Variants in TMEM132C observed in about 807,000 individuals in gnomAD.
TMEM132C encodes transmembrane protein 132C.
A neutral mutation model predicts 61.4 loss-of-function variants in TMEM132C; 29 were observed. The observed-to-expected ratio is 0.47, with a 90% CI of 0.35 to 0.64. TMEM132C has a LOEUF of 0.64. Among genes scored for constraint, TMEM132C ranks in the 30% least tolerant of loss-of-function variants. The pLI is 0.00. For synonymous variants in TMEM132C, 656 were observed against 633.1 expected (o/e 1.04, Z -0.54); for missense variants, 1,408 against 1,476.9 (o/e 0.95, Z 0.76).
At chr12:128,637,206 G>A (rs541319238) in intron 4 of TMEM132C, among the ~76,000 whole-genome samples, 5 of 152,120 alleles carry the variant, frequency 3.3e-5, no homozygotes, top group Non-Finnish European at 7.4e-5. Context: ...TTTTCCAAGA[G>A]GATTGTGAGA....
intron 5 of TMEM132C, among the ~76,000 whole-genome samples, chr12:128,692,730 A>G (rs1399011354): frequency 6.6e-6 from 1 of 152,176 alleles, no homozygotes; most frequent in African/African-American, 2.4e-5. Context: ...CTGCTTGAGA[A>G]CACAGGTATC....
intron 1 of TMEM132C, among the ~76,000 whole-genome samples, chr12:128,406,078 C>T (rs1190853661): frequency 6.6e-6 from 1 of 152,196 alleles, no homozygotes; most frequent in East Asian, 1.9e-4. Flanking sequence ...TTCCTTAACA[C>T]CTCTGATGCA....
intron 1 of TMEM132C, among the ~76,000 whole-genome samples, chr12:128,353,245 G>T (rs773244501): frequency 1.3e-5 from 2 of 152,136 alleles, no homozygotes; most frequent in Non-Finnish European, 2.9e-5. Context: ...AGGCTTCCTG[G>T]CAGCATGAGT....
chr12:128,425,478 C>T (rs953683018), intron 2 of TMEM132C, among the ~76,000 whole-genome samples: 3 of 152,236 alleles, frequency 2.0e-5, no homozygotes, highest in Admixed American at 6.5e-5. Flanking sequence ...ACCACCACTG[C>T]GCAGTTTGGG....
chr12:128,273,547 A>G (rs765486830), intron 1 of TMEM132C, among the ~76,000 whole-genome samples: 6 of 152,070 alleles, frequency 3.9e-5, no homozygotes, highest in African/African-American at 4.8e-5. Flanking sequence ...TAATGTAATT[A>G]TTCATCTATT....
intron 3 of TMEM132C, among the ~76,000 whole-genome samples, chr12:128,613,066 G>A (rs1876686486): frequency 6.6e-6 from 1 of 152,212 alleles, no homozygotes; most frequent in South Asian, 2.1e-4. Flanking sequence ...CAGGCTGAAA[G>A]CTCATTGCAA....
chr12:128,501,614 C>A (rs1872183213), intron 2 of TMEM132C, among the ~76,000 whole-genome samples: 1 of 152,162 alleles, frequency 6.6e-6, no homozygotes, highest in Non-Finnish European at 1.5e-5. Context: ...TTCTGGAAGG[C>A]CAGAGCTTCA....
At chr12:128,696,192 G>A (rs913257610) in intron 7 of TMEM132C, 89 bp downstream of exon 7, 12 of 1,460,742 alleles carry the variant, frequency 8.2e-6, no homozygotes, top group East Asian at 2.5e-5. Flanking sequence ...CACTGTGGCC[G>A]ATTCCCCAAC....
chr12:128,536,614 T>A (rs1593090837), intron 2 of TMEM132C, among the ~76,000 whole-genome samples: 1 of 152,014 alleles, frequency 6.6e-6, no homozygotes, highest in Non-Finnish European at 1.5e-5. Flanking sequence ...GGTGAAGATG[T>A]GTTTTATCAC....
At chr12:128,519,022 G>A (rs1265504666) in intron 2 of TMEM132C, among the ~76,000 whole-genome samples, 1 of 152,102 alleles carries the variant, frequency 6.6e-6, no homozygotes, top group Non-Finnish European at 1.5e-5. Context: ...GGACTCTAAG[G>A]ATTTTATATT....
intron 4 of TMEM132C, among the ~76,000 whole-genome samples, chr12:128,647,316 G>A (rs368630963): frequency 4.5e-4 from 69 of 151,716 alleles, no homozygotes; most frequent in African/African-American, 1.5e-3. Context: ...GGATGTGAGT[G>A]TGTTTACTAG....
At chr12:128,463,860 C>G (rs1025196816) in intron 2 of TMEM132C, among the ~76,000 whole-genome samples, 5 of 152,144 alleles carry the variant, frequency 3.3e-5, no homozygotes, top group African/African-American at 1.2e-4. Flanking sequence ...GGGCAAACTC[C>G]AAGATGTGAG....
chr12:128,600,953 G>GA (rs1310114761), intron 3 of TMEM132C, among the ~76,000 whole-genome samples: 1 of 152,028 alleles, frequency 6.6e-6, no homozygotes, highest in Non-Finnish European at 1.5e-5. Flanking sequence ...CATCAATTAC[G>GA]AAAATTAACT....
intron 4 of TMEM132C, among the ~76,000 whole-genome samples, chr12:128,622,402 A>ATCT (rs1178665059): frequency 3.2e-5 from 3 of 92,900 alleles, no homozygotes; most frequent in African/African-American, 1.0e-4. Flanking sequence ...TATATATATA[A>ATCT]CCAGGAAACA....
chr12:128,403,576 GCAA>G (rs1485559686), intron 1 of TMEM132C, among the ~76,000 whole-genome samples: 2 of 152,084 alleles, frequency 1.3e-5, no homozygotes, highest in Admixed American at 6.5e-5. Context: ...TATGATAATA[GCAA>G]CAACAATTCC....
intron 2 of TMEM132C, among the ~76,000 whole-genome samples, chr12:128,534,363 C>T (rs1873443738): frequency 6.6e-6 from 1 of 152,330 alleles, no homozygotes; most frequent in African/African-American, 2.4e-5. Context: ...GGATGCATTG[C>T]AGTGTCTAGC....
At chr12:128,294,836 G>A (rs896234544) in intron 1 of TMEM132C, among the ~76,000 whole-genome samples, 4 of 152,096 alleles carry the variant, frequency 2.6e-5, no homozygotes, top group Admixed American at 2.6e-4. Flanking sequence ...TGAAGAGGAG[G>A]ATTTCAACAC....
intron 2 of TMEM132C, among the ~76,000 whole-genome samples, chr12:128,541,945 C>T (rs145891337): frequency 1.7e-4 from 26 of 152,244 alleles, no homozygotes; most frequent in African/African-American, 5.8e-4. Flanking sequence ...GTGTGGCACC[C>T]CCAGGCACCC....
intron 1 of TMEM132C, among the ~76,000 whole-genome samples, chr12:128,330,049 T>G (rs1241092445): frequency 6.6e-6 from 1 of 152,334 alleles, no homozygotes; most frequent in East Asian, 1.9e-4. Flanking sequence ...ATTCTGGTTA[T>G]GTCTGCACAA....
Sources: gnomAD v4.1 joint callset for allele counts (sites outside exome capture counted in the v4.1 genomes callset) on GRCh38, gnomAD v4.1.1 for gene constraint, MANE v1.5 for transcripts, NCBI Gene and HGNC (gene_info 2026-07-23, HGNC 2026-07-21) for gene names.